FLNA: variants seen among roughly 807,000 people sequenced by gnomAD.
FLNA encodes the protein filamin A, also known as filamin-A.
Under a neutral mutation model 157.6 loss-of-function variants are expected in FLNA, and 7 were observed. The ratio of observed to expected loss-of-function variants is 0.04; its 90% confidence interval spans 0.03 to 0.08. The LOEUF (loss-of-function observed/expected upper bound fraction) is 0.08. Among genes scored for constraint, FLNA ranks in the 10% least tolerant of loss-of-function variants. The probability of loss-of-function intolerance (pLI) is 1.00; values close to 1 mark genes in which losing one functional copy is unlikely to be tolerated. For synonymous variants in FLNA, 1,103 were observed against 1,060.8 expected (o/e 1.04, Z -0.77); for missense variants, 1,750 against 2,398.4 (o/e 0.73, Z 5.65).
At chrX:154,350,457 C>T (rs2067610540) in intron 44 of FLNA, 3 of 432,249 alleles carry the variant, frequency 6.9e-6, no homozygotes, top group South Asian at 6.8e-5. Flanking sequence ...CTTGCTGCCT[C>T]CTAAGAAAGG....
At chrX:154,367,049 CT>C (rs1449308292) in intron 5 of FLNA, among the ~76,000 whole-genome samples, 199 bp from the exon 6 acceptor site, 2 of 112,116 alleles carry the variant, frequency 1.8e-5, no homozygotes, top group African/African-American at 6.5e-5. Context: ...AGCCTGTTTT[CT>C]GGAACATTCA....
intron 6 of FLNA, 46 bp downstream of exon 6, chrX:154,366,686 T>C (rs2067764550): frequency 1.7e-6 from 2 of 1,199,162 alleles, no homozygotes; most frequent in Non-Finnish European, 2.3e-6. Flanking sequence ...GCAGCCCCAC[T>C]GAAAGGGAGC....
intron 1 of FLNA, among the ~76,000 whole-genome samples, chrX:154,373,589 C>T (rs1181180632): frequency 8.9e-6 from 1 of 112,818 alleles, no homozygotes; most frequent in Non-Finnish European, 1.9e-5. Context: ...CACACCACCC[C>T]TGGCCCTCAG....
Position 154,365,087 on chromosome X carries a change from GAA to G in FLNA, c.1691+47_1691+48del, listed in dbSNP as rs782585837. On this transcript the variant is annotated intron_variant, in intron 11 of 47. Transcript: ENST00000369850. ...ATCAGGTGGGGAGGCAGAAGGAAGAGAAGAGGCAGAGTGTGCAGAGCTGGGAG... is the reference window on the plus strand; with the variant it reads ...ATCAGGTGGGGAGGCAGAAGGAAGAGGAGGCAGAGTGTGCAGAGCTGGGAG... The G allele has an allele frequency of 7.5e-6, 9 of 1,205,843 alleles. No individual in the cohort carries two copies. The African/African-American group carries it at 1.3e-4, about 17-fold the overall frequency.
intron 19 of FLNA, 22 bp from the exon 20 acceptor site, chrX:154,361,809 A>C: frequency 8.7e-7 from 1 of 1,155,910 alleles, no homozygotes; most frequent in Non-Finnish European, 1.2e-6. Context: ...GCAGAAGGGA[A>C]GGGGGTATTT....
intron 44 of FLNA, 115 bp downstream of exon 44, chrX:154,350,794 G>A (rs1288132786): frequency 8.3e-6 from 7 of 848,058 alleles, no homozygotes; most frequent in Non-Finnish European, 1.2e-5. Context: ...TGGCTTAGGG[G>A]GCCCAGGAGT....
chrX:154,357,504 G>A lies in FLNA; in HGVS notation c.4875C>T (p.Asp1625=), dbSNP rs371008940. 1.5e-5 allele frequency: 18 copies of A among 1,210,667 alleles called. No individual in the cohort carries two copies. Among genetic ancestry groups the A allele is most frequent in the African/African-American group, 8.7e-5 (5 of 57,611 alleles). ...RYTILIKYGG[D]EIPFSPYRVR... ...CGCGGTACGGGGAGAAGGGGATCTC[G>A]TCACCACCGTACTTGATGAGGATGG... is the stretch of plus-strand genomic sequence containing the variant. Residue 1625 remains aspartate (D), a synonymous_variant, in exon 29 of 48, where the codon GAC becomes GAT. Coordinates refer to ENST00000369850, the MANE Select transcript of FLNA (RefSeq NM_001110556.2).
rs1183068895 is a variant in FLNA, at chrX:154,371,355, G to A, written c.-110C>T. ...CGCGGGAGGCGAGGCAGGGAGCAGA[G>A]GTTGCGCTGCGGAGAGAGCGAGCCC... On this transcript the variant is annotated 5_prime_UTR_variant, in exon 2 of 48. Coordinates refer to ENST00000369850, the MANE Select transcript of FLNA (RefSeq NM_001110556.2). 5 of 1,001,296 alleles carry A rather than the reference G, an allele frequency of 5.0e-6. No homozygotes were observed. The highest frequency in any genetic ancestry group is 5.4e-6 in the Non-Finnish European group (4 of 741,244). 82.5% of individuals were successfully genotyped at this position (1,001,296 alleles called of 1,213,427 possible). A position where few individuals can be genotyped will look rare whatever the true frequency, so the allele number is the denominator to read the frequency against.
intron 4 of FLNA, 29 bp downstream of exon 4, chrX:154,367,612 A>C (rs781936114): frequency 8.3e-7 from 1 of 1,210,578 alleles, no homozygotes; most frequent in Non-Finnish European, 1.1e-6. Context: ...CCGGTCCCCT[A>C]CAGCTGTAGC....
chrX:154,367,150 T>G (rs781808582), intron 5 of FLNA, among the ~76,000 whole-genome samples: 2 of 112,027 alleles, frequency 1.8e-5, no homozygotes, highest in Non-Finnish European at 3.8e-5. Context: ...CCATTTATAA[T>G]AAAGACCGCT....
rs782168634 is a variant in FLNA, at chrX:154,365,477, G to A, written c.1439C>T (p.Pro480Leu). Residue 480 changes from proline to leucine, a missense_variant, in exon 10 of 48, where the codon CCG (proline) becomes CTG (leucine). Around this residue, in one of 5 missense-constraint regions of FLNA, gnomAD observed 648 missense variants for 805.8 expected, o/e 0.80. Transcript: ENST00000369850. ...YTVTVGQACN[P>L]SACRAVGRGL... The stretch of plus-strand genomic sequence containing the variant: ...CCGGCCAACCGCCCGGCAGGCACTC[G>A]GGTTACAGGCTGCAGGCAGAGGGGC... 6.4e-5 allele frequency: 77 copies of A among 1,209,966 alleles called. No individual in the cohort carries two copies. Among genetic ancestry groups the A allele is most frequent in the Non-Finnish European group, 6.1e-5 (55 of 895,109 alleles).
At position 154,359,655 on chromosome X, in the gene FLNA, G is replaced by C. The variant is rs1557177564; in HGVS notation, c.3980-9C>G. ...GTCCACGGAGTGCAGTCCTGGAGGAGTGCAGGCCAGGTCAGGAGGAGCCCG... is the reference window on the plus strand; with the variant it reads ...GTCCACGGAGTGCAGTCCTGGAGGACTGCAGGCCAGGTCAGGAGGAGCCCG... On this transcript the variant is annotated splice_polypyrimidine_tract_variant and intron_variant, in intron 23 of 47. Coordinates refer to ENST00000369850, the MANE Select transcript of FLNA (RefSeq NM_001110556.2). 1 of 1,210,965 alleles carries C rather than the reference G, an allele frequency of 8.3e-7. No homozygotes were observed. The highest frequency in any genetic ancestry group is 2.2e-5 in the Admixed American group (1 of 46,144).
chrX:154,351,196 C>A (rs1557175695), intron 43 of FLNA, 155 bp from the exon 44 acceptor site: 1 of 568,888 alleles, frequency 1.8e-6, no homozygotes, highest in Non-Finnish European at 2.9e-6. Flanking sequence ...CAAGGGGCAG[C>A]AAGCCACAGG....
In FLNA at chrX:154,363,511, G is replaced by A. The variant is rs5945189; in HGVS notation, c.2280+511C>T. Among the ~76,000 whole-genome samples the A allele has an allele frequency of 1.3e-3, 141 of 110,010 alleles. 1 individual carries two copies. In the East Asian group the frequency reaches 0.03, roughly 24 times the overall value. ...GGGCAGATCACAAGGTCAGGAGATCGACACCATCCTGGCTAACACAGTGAA... is the reference window on the plus strand; with the variant it reads ...GGGCAGATCACAAGGTCAGGAGATCAACACCATCCTGGCTAACACAGTGAA... On this transcript the variant is annotated intron_variant, in intron 15 of 47. Transcript: ENST00000369850.
At position 154,351,562 on chromosome X, in the gene FLNA, G is replaced by GT; in HGVS notation, c.7023+18dup. The stretch of plus-strand genomic sequence containing the variant: ...CGGGCCCAGGAGCCCCAGGTGGGCG[G>GT]TTTCTCTCGGTGCCTCACCTGAAGG... On this transcript the variant is annotated intron_variant, in intron 43 of 47. Transcript: ENST00000369850. The GT allele has an allele frequency of 8.9e-7, 1 of 1,129,499 alleles. No homozygotes were observed. The highest frequency in any genetic ancestry group is 1.2e-6 in the Non-Finnish European group (1 of 821,360). 93.1% of individuals were successfully genotyped at this position (1,129,499 alleles called of 1,213,427 possible).
rs1557177531 is a variant in FLNA, at chrX:154,359,567, G to A, written c.4059C>T (p.Cys1353=). 3 of 1,210,547 alleles carry A rather than the reference G, an allele frequency of 2.5e-6. No homozygotes were observed. Among genetic ancestry groups the A allele is most frequent in the South Asian group, 3.5e-5 (2 of 56,984 alleles). ...SPFQVPVTEG[C]DPSRVRVHGP... ...CGTGGACACGCACCCGGGAGGGGTC[G>A]CAGCCCTCGGTCACGGGCACCTGGA... Residue 1353 remains cysteine, a synonymous_variant, in exon 24 of 48, where the codon TGC becomes TGT. Coordinates refer to ENST00000369850, the MANE Select transcript of FLNA (RefSeq NM_001110556.2).
In FLNA at chrX:154,353,008, G is replaced by A. The variant is rs782365685; in HGVS notation, c.6219C>T (p.Arg2073=). 2.4e-5 allele frequency: 29 copies of A among 1,210,007 alleles called. No homozygotes were observed. In the Admixed American group the frequency reaches 3.0e-4, roughly 13 times the overall value. Residue 2073 remains arginine (R), a synonymous_variant, in exon 38 of 48, where the codon CGC becomes CGT. Coordinates refer to ENST00000369850, the MANE Select transcript of FLNA (RefSeq NM_001110556.2). The stretch of plus-strand genomic sequence containing the variant: ...TGGGCAGCCACTGCCTACCTGCATC[G>A]CGGGTATCAATGATAAACTCTGCAG... ...FEPAEFIIDT[R]DAGYGGLSLS...
chrX:154,371,011 C>A lies in FLNA; in HGVS notation c.235G>T (p.Ala79Ser). Reference sequence around the variant, plus strand: ...TTCTGGCTGAGCACCTCCAACAGCGCGATAAGCCGCAGCCCGTCGCTCAGG... The same window carrying A: ...TTCTGGCTGAGCACCTCCAACAGCGAGATAAGCCGCAGCCCGTCGCTCAGG... ...TDLSDGLRLI[A>S]LLEVLSQKKM... Residue 79 changes from alanine (A) to serine (S), a missense_variant, in exon 2 of 48, where the codon GCG (alanine) becomes TCG (serine). Around this residue, in one of 5 missense-constraint regions of FLNA, gnomAD observed 71 missense variants for 239.5 expected, o/e 0.30. Transcript: ENST00000369850. 1 of 1,209,393 alleles carries A rather than the reference C, an allele frequency of 8.3e-7. No homozygotes were observed. The highest frequency in any genetic ancestry group is 1.1e-6 in the Non-Finnish European group (1 of 894,257).
chrX:154,368,106 T>A lies in FLNA; in HGVS notation c.374-16A>T. The A allele has an allele frequency of 2.5e-6, 3 of 1,209,349 alleles. No individual in the cohort carries two copies. Among genetic ancestry groups the A allele is most frequent in the Non-Finnish European group, 3.4e-6 (3 of 894,908 alleles). Reference sequence around the variant, plus strand: ...GCCTTGCTGTCTGTGAGTAGAAGAGTGGCCACGCTGGGCACACGGCTGTGC... The same window carrying A: ...GCCTTGCTGTCTGTGAGTAGAAGAGAGGCCACGCTGGGCACACGGCTGTGC... On this transcript the variant is annotated splice_polypyrimidine_tract_variant and intron_variant, in intron 2 of 47. Transcript: ENST00000369850.
Sources: gnomAD v4.1 joint callset for allele counts (sites outside exome capture counted in the v4.1 genomes callset) on GRCh38, gnomAD v4.1.1 for gene constraint, gnomAD v4.1.1 regional missense constraint, MANE v1.5 for transcripts, NCBI Gene and HGNC (gene_info 2026-07-23, HGNC 2026-07-21) for gene names.